The following KAZN variants were observed in gnomAD, a reference collection of about 807,000 sequenced individuals.
KAZN encodes kazrin.
KAZN carries 40 observed loss-of-function variants against 87.4 expected under a neutral mutation model. The ratio of observed to expected loss-of-function variants is 0.46; its 90% CI spans 0.36 to 0.60. The LOEUF (loss-of-function observed/expected upper bound fraction) is 0.60, where lower values mean the gene tolerates loss of function less well. Ranked by LOEUF, KAZN falls within the 20% of genes least tolerant of loss-of-function variation. The pLI, the probability that KAZN is intolerant of heterozygous loss-of-function variation, is 0.00. For synonymous variants in KAZN, 466 were observed against 458.3 expected (o/e 1.02, Z -0.22); for missense variants, 898 against 1,073.9 (o/e 0.84, Z 2.29).
intron 1 of KAZN, among the ~76,000 whole-genome samples, chr1:14,627,351 C>T (rs1679218863): frequency 6.6e-6 from 1 of 151,986 alleles, no homozygotes; most frequent in Non-Finnish European, 1.5e-5. Flanking sequence ...TGGGGCCCAG[C>T]AAGTCGCCCA....
intron 1 of KAZN, among the ~76,000 whole-genome samples, chr1:14,002,962 C>A (rs1639866551): frequency 1.3e-5 from 2 of 152,170 alleles, no homozygotes; most frequent in African/African-American, 4.8e-5. Flanking sequence ...CCCATGTGCC[C>A]ATCAATGATA....
chr1:14,998,367 A>AG (rs1326390613), intron 2 of KAZN, among the ~76,000 whole-genome samples: 1 of 151,742 alleles, frequency 6.6e-6, no homozygotes, highest in East Asian at 1.9e-4. Context: ...AGCCAGAGAA[A>AG]GCCCACCTGA....
chr1:13,924,918 A>G (rs532032714), intron 1 of KAZN, among the ~76,000 whole-genome samples: 2 of 152,304 alleles, frequency 1.3e-5, no homozygotes, highest in East Asian at 1.9e-4. Flanking sequence ...TGTCTCAGAT[A>G]CTCAGCGTTC....
chr1:14,519,568 GAGAA>G (rs1172630993), intron 2 of KAZN, among the ~76,000 whole-genome samples: 1 of 152,178 alleles, frequency 6.6e-6, no homozygotes, highest in Non-Finnish European at 1.5e-5. Flanking sequence ...GCTGACCTGG[GAGAA>G]AGAAAGTCCA....
chr1:14,362,193 G>T (rs1177835742), intron 2 of KAZN, among the ~76,000 whole-genome samples: 2 of 152,172 alleles, frequency 1.3e-5, no homozygotes, highest in East Asian at 1.9e-4. Flanking sequence ...TTGGGCTGGG[G>T]TCTCATCTGA....
chr1:15,049,450 AC>A (rs1158029524), intron 4 of KAZN, among the ~76,000 whole-genome samples: 20 of 152,074 alleles, frequency 1.3e-4, no homozygotes, highest in Non-Finnish European at 2.9e-4. Context: ...CCTGGCCTCC[AC>A]CCACCAGATG....
rs150504670 is a variant in KAZN, at chr1:14,627,521, C to G, written c.226+28298C>G. Among the ~76,000 whole-genome samples the G allele has an allele frequency of 5.1e-3, 779 of 152,290 alleles. 14 individuals are homozygous for G. The highest frequency in any genetic ancestry group is 0.018 in the African/African-American group (745 of 41,546). On this transcript the variant is annotated intron_variant, in intron 1 of 14. Coordinates refer to ENST00000376030, the MANE Select transcript of KAZN (RefSeq NM_201628.3). ...AAAAGGCTCGCTCCTCACTCCCCTC[C>G]TATCACTGTTGATTTAATCTGCTTT... is the stretch of plus-strand genomic sequence containing the variant.
At chr1:14,230,654 T>G (rs1647731060) in intron 2 of KAZN, among the ~76,000 whole-genome samples, 1 of 152,188 alleles carries the variant, frequency 6.6e-6, no homozygotes, top group African/African-American at 2.4e-5. Context: ...AGTGCAAAGT[T>G]CTATTTCCAC....
intron 2 of KAZN, among the ~76,000 whole-genome samples, chr1:14,257,830 T>G (rs1260268353): frequency 1.4e-5 from 2 of 141,554 alleles, no homozygotes; most frequent in African/African-American, 5.3e-5. Context: ...CATTGGGAGA[T>G]ATACCTAATG....
chr1:15,065,632 A>G lies in KAZN; in HGVS notation c.1101A>G (p.Ser367=), dbSNP rs775252134. The change falls in exon 8 of 15, where the codon TCA becomes TCG. Residue 367 remains serine, a splice_region_variant and synonymous_variant. Transcript: ENST00000376030. ...QKNLHNPIVQ[S]LEDLEDQKRK... is the part of the protein sequence containing the mutation. Reference sequence around the variant, plus strand: ...CCACGTGGCTCCTGACTCCTCAGTCACTAGAGGATCTTGAAGACCAAAAAC... The same window carrying G: ...CCACGTGGCTCCTGACTCCTCAGTCGCTAGAGGATCTTGAAGACCAAAAAC... 1.2e-6 allele frequency: 2 copies of G among 1,610,620 alleles called. No homozygotes were observed. The highest frequency in any genetic ancestry group is 1.7e-6 in the Non-Finnish European group (2 of 1,177,744).
chr1:14,549,307 A>G (rs921072671), intron 2 of KAZN, among the ~76,000 whole-genome samples: 1 of 152,198 alleles, frequency 6.6e-6, no homozygotes, highest in African/African-American at 2.4e-5. Context: ...GTGCCCAGCT[A>G]AAAATACTCA....
At chr1:14,669,470 G>A (rs1373321651) in intron 1 of KAZN, among the ~76,000 whole-genome samples, 10 of 152,290 alleles carry the variant, frequency 6.6e-5, no homozygotes, top group Non-Finnish European at 1.2e-4. Context: ...AGAGCTGGGC[G>A]CGGTGGCTCA....
At chr1:13,985,291 G>A (rs900961015) in intron 1 of KAZN, among the ~76,000 whole-genome samples, 6 of 151,722 alleles carry the variant, frequency 4.0e-5, no homozygotes, top group African/African-American at 1.2e-4. Flanking sequence ...GTGCCATGCT[G>A]GTGCGCTGCC....
chr1:13,974,054 C>G (rs1314286485), intron 1 of KAZN, among the ~76,000 whole-genome samples: 2 of 152,264 alleles, frequency 1.3e-5, no homozygotes, highest in Non-Finnish European at 2.9e-5. Context: ...CTTCCAGGAG[C>G]TTCGCTCAGG....
At chr1:14,575,857 G>A (rs1381053219) in intron 2 of KAZN, among the ~76,000 whole-genome samples, 4 of 152,118 alleles carry the variant, frequency 2.6e-5, no homozygotes, top group African/African-American at 4.8e-5. Context: ...TGGGATGAGG[G>A]GGACAGTGTC....
intron 11 of KAZN, among the ~76,000 whole-genome samples, chr1:15,102,565 G>C (rs906898987): frequency 1.3e-5 from 2 of 152,154 alleles, no homozygotes; most frequent in Admixed American, 1.3e-4. Flanking sequence ...ACTTTTCTTA[G>C]AGTGATGTCA....
intron 2 of KAZN, among the ~76,000 whole-genome samples, chr1:14,235,661 A>G (rs930293632): frequency 6.6e-6 from 1 of 152,248 alleles, no homozygotes; most frequent in Admixed American, 6.5e-5. Context: ...TGTTTTATGC[A>G]TAAAGATGAC....
intron 1 of KAZN, among the ~76,000 whole-genome samples, chr1:14,913,282 A>G (rs958177735): frequency 6.6e-6 from 1 of 152,186 alleles, no homozygotes; most frequent in African/African-American, 2.4e-5. Context: ...ATCTGGGAGA[A>G]ACATTCCACT....
intron 2 of KAZN, among the ~76,000 whole-genome samples, chr1:14,513,239 C>T (rs1671012385): frequency 6.6e-6 from 1 of 152,170 alleles, no homozygotes; most frequent in South Asian, 2.1e-4. Context: ...AACTTATTGT[C>T]TTAAGCCTCT....
Sources: gnomAD v4.1 joint callset for allele counts (sites outside exome capture counted in the v4.1 genomes callset) on GRCh38, gnomAD v4.1.1 for gene constraint, MANE v1.5 for transcripts, NCBI Gene and HGNC (gene_info 2026-07-23, HGNC 2026-07-21) for gene names.